EPM2A: variants seen among roughly 807,000 people sequenced by gnomAD.
EPM2A encodes the protein EPM2A glucan phosphatase, laforin, also known as laforin.
A neutral mutation model predicts 26.5 loss-of-function variants in EPM2A; 21 were observed. The ratio of observed to expected loss-of-function variants is 0.79; its 90% CI spans 0.56 to 1.14. The LOEUF is 1.14. EPM2A is among the 50% of genes most tolerant of loss of function. EPM2A has a pLI of 0.00. For missense variants in EPM2A, 458 were observed against 440.8 expected, an observed-to-expected ratio of 1.04 and a Z score of -0.35; for synonymous variants, 217 against 177.6, an observed-to-expected ratio of 1.22 and a Z score of -1.76.
In EPM2A at chr6:145,712,789, T is replaced by G. The variant is rs141465545; in HGVS notation, c.301+22409A>C. Reference sequence around the variant, plus strand: ...TCATCTCATCAAACAAGGGCAATTTTATGAAAGTTTCTATGGGGAATCATT... The same window carrying G: ...TCATCTCATCAAACAAGGGCAATTTGATGAAAGTTTCTATGGGGAATCATT... On this transcript the variant is annotated intron_variant, in intron 1 of 3. Coordinates refer to ENST00000367519, the MANE Select transcript of EPM2A (RefSeq NM_005670.4). Among the ~76,000 whole-genome samples the G allele has an allele frequency of 1.8e-3, 274 of 152,312 alleles. 1 individual carries two copies. Among genetic ancestry groups the G allele is most frequent in the African/African-American group, 6.2e-3 (258 of 41,574 alleles).
chr6:145,609,728 G>A (rs1178823418), intron 2 of EPM2A, among the ~76,000 whole-genome samples: 1 of 152,184 alleles, frequency 6.6e-6, no homozygotes, highest in Non-Finnish European at 1.5e-5. Context: ...GAAAGTGCAA[G>A]AGCCAATTGA....
rs537127777 is a variant in EPM2A, at chr6:145,403,421, C to T, written c.556-19324G>A. On this transcript the variant is annotated intron_variant, in intron 4 of 4. Coordinates refer to the EPM2A transcript ENST00000638717. The stretch of plus-strand genomic sequence containing the variant: ...ACCACCCCCTGATGCCCCTGCTCTA[C>T]ACTACCCTTCCAAGCCTCTGGTAAC... 2.1e-5 allele frequency among the ~76,000 whole-genome samples: 3 copies of T among 140,428 alleles called. No individual in the cohort carries two copies. The Admixed American group carries it at 2.1e-4, about 10-fold the overall frequency. The allele number at this position is 140,428 out of a possible 152,430, so 92.1% of individuals were successfully genotyped here.
chr6:145,681,573 G>A lies in EPM2A; in HGVS notation c.476+4549C>T, dbSNP rs562380044. Among the ~76,000 whole-genome samples, 3 of 149,840 alleles carry A rather than the reference G, an allele frequency of 2.0e-5. No individual in the cohort carries two copies. The East Asian group carries it at 5.9e-4, about 29-fold the overall frequency. On this transcript the variant is annotated intron_variant, in intron 2 of 3. Coordinates refer to ENST00000367519, the MANE Select transcript of EPM2A (RefSeq NM_005670.4). ...CCATCTTGAATTGATTTTTGTATAAGGTGTAAGGAAGGGATCCAGTTTCAG... is the reference window on the plus strand; with the variant it reads ...CCATCTTGAATTGATTTTTGTATAAAGTGTAAGGAAGGGATCCAGTTTCAG...
chr6:145,561,153 CTTTT>C (rs11326955), intron 2 of EPM2A, among the ~76,000 whole-genome samples: 2 of 141,716 alleles, frequency 1.4e-5, no homozygotes, highest in Non-Finnish European at 1.5e-5. Flanking sequence ...TCTTTTATAC[CTTTT>C]TTTTTTTTTT....
At chr6:145,586,459 TAGC>T (rs1464901286) in intron 2 of EPM2A, among the ~76,000 whole-genome samples, 2 of 152,222 alleles carry the variant, frequency 1.3e-5, no homozygotes, top group Non-Finnish European at 2.9e-5. Context: ...ACAGGTTTAA[TAGC>T]AGGATACTGT....
At chr6:145,586,241 A>G (rs538843726) in intron 2 of EPM2A, among the ~76,000 whole-genome samples, 1 of 152,292 alleles carries the variant, frequency 6.6e-6, no homozygotes, top group African/African-American at 2.4e-5. Flanking sequence ...CTTGAAAATC[A>G]CTTTTCCATA....
In EPM2A at chr6:145,667,724, T is replaced by TAG. The variant is rs1562465202; in HGVS notation, c.476+18397_476+18398insCT. ...AAAGACACATGCACACGTATGTTTA[T>TAG]TGCAGCATTATTCACAATAGCAAAG... On this transcript the variant is annotated intron_variant, in intron 2 of 3. Transcript: ENST00000367519. 5.6e-3 allele frequency among the ~76,000 whole-genome samples: 734 copies of TAG among 131,002 alleles called. 1 individual carries two copies. Among genetic ancestry groups the TAG allele is most frequent in the African/African-American group, 0.022 (672 of 30,224 alleles). The allele number at this position is 131,002 out of a possible 152,430, so 85.9% of individuals were successfully genotyped here.
chr6:145,526,436 A>AT (rs904080077), intron 2 of EPM2A, among the ~76,000 whole-genome samples: 10 of 151,594 alleles, frequency 6.6e-5, no homozygotes, highest in Admixed American at 3.9e-4. Context: ...TGGTTGGTAG[A>AT]TTTTTTTTAT....
intron 1 of EPM2A, among the ~76,000 whole-genome samples, chr6:145,726,767 G>C (rs1417326538): frequency 1.3e-5 from 2 of 152,026 alleles, no homozygotes; most frequent in African/African-American, 2.4e-5. Context: ...AATACATAAA[G>C]TCTGAGAAAC....
intron 1 of EPM2A, among the ~76,000 whole-genome samples, chr6:145,731,032 C>T (rs1159676782): frequency 6.6e-6 from 1 of 151,412 alleles, no homozygotes; most frequent in African/African-American, 2.4e-5. Flanking sequence ...TTGGGTGAAA[C>T]AAATCCTGTG....
chr6:145,626,217 C>A lies in EPM2A; in HGVS notation c.*1199G>T. The A allele has an allele frequency of 2.0e-6, 2 of 991,648 alleles. No homozygotes were observed. Among genetic ancestry groups the A allele is most frequent in the Non-Finnish European group, 2.4e-6 (2 of 833,652 alleles). The allele number at this position is 991,648 out of a possible 1,614,324, so 61.4% of individuals were successfully genotyped here. The stretch of plus-strand genomic sequence containing the variant: ...AATGCAGGTCTGTTTCTAGGCAGCA[C>A]ATTTTTGAAGGCAAAGTTGTTCATC... On this transcript the variant is annotated 3_prime_UTR_variant, in exon 4 of 4. Transcript: ENST00000367519.
At chr6:145,555,126 T>A (rs1780711062) in intron 2 of EPM2A, among the ~76,000 whole-genome samples, 1 of 152,120 alleles carries the variant, frequency 6.6e-6, no homozygotes, top group Non-Finnish European at 1.5e-5. Flanking sequence ...GGAATAATAA[T>A]ATCTGCTTCA....
At chr6:145,394,480 C>T (rs972665055) in intron 4 of EPM2A, among the ~76,000 whole-genome samples, 7 of 152,106 alleles carry the variant, frequency 4.6e-5, no homozygotes, top group African/African-American at 1.2e-4. Context: ...AGACAATATC[C>T]CCTCAATCCT....
intron 4 of EPM2A, among the ~76,000 whole-genome samples, chr6:145,451,368 A>T (rs1004227037): frequency 6.6e-6 from 1 of 152,210 alleles, no homozygotes; most frequent in Admixed American, 6.5e-5. Flanking sequence ...AATCCATTGT[A>T]GGTACAAGAT....
chr6:145,404,029 C>T (rs956236887), intron 4 of EPM2A, among the ~76,000 whole-genome samples: 1 of 152,082 alleles, frequency 6.6e-6, no homozygotes, highest in Non-Finnish European at 1.5e-5. Context: ...TGCTGAGCAC[C>T]TTTTCATATG....
At chr6:145,467,168 TATAA>T (rs1779409739) in intron 4 of EPM2A, among the ~76,000 whole-genome samples, 2 of 151,938 alleles carry the variant, frequency 1.3e-5, no homozygotes, top group African/African-American at 4.8e-5. Context: ...AAATAAAAAT[TATAA>T]ATAAATATTC....
chr6:145,661,234 A>C (rs554618807), intron 2 of EPM2A, among the ~76,000 whole-genome samples: 1 of 152,358 alleles, frequency 6.6e-6, no homozygotes, highest in East Asian at 1.9e-4. Context: ...GCAGTTCACC[A>C]GGCCACAAAT....
chr6:145,654,986 A>C (rs376203182), intron 2 of EPM2A, among the ~76,000 whole-genome samples: 4 of 152,040 alleles, frequency 2.6e-5, no homozygotes, highest in African/African-American at 4.8e-5. Context: ...TCTTGAGTGT[A>C]CATTATTTAC....
intron 2 of EPM2A, among the ~76,000 whole-genome samples, chr6:145,679,927 G>A (rs1055503021): frequency 6.6e-6 from 1 of 151,982 alleles, no homozygotes; most frequent in Non-Finnish European, 1.5e-5. Flanking sequence ...GAAAAATAAC[G>A]CATTACTATA....
Sources: allele counts gnomAD v4.1 joint callset (sites outside exome capture counted in the v4.1 genomes callset), GRCh38; gene constraint gnomAD v4.1.1; transcripts MANE v1.5; gene names NCBI Gene and HGNC (gene_info 2026-07-23, HGNC 2026-07-21).